PSD3: variants seen among roughly 807,000 people sequenced by gnomAD.
The protein encoded by PSD3 is pleckstrin and Sec7 domain containing 3, also known as PH and SEC7 domain-containing protein 3.
In PSD3, 49 loss-of-function variants were observed where a neutral mutation model predicts 105.5. The ratio of observed to expected loss-of-function variants is 0.46; its 90% CI spans 0.37 to 0.59. PSD3 has a LOEUF of 0.59. PSD3 is among the 20% of genes least tolerant of loss of function. PSD3 has a pLI of 0.00. For missense variants in PSD3, 1,561 were observed against 1,263.8 expected (o/e 1.24, Z -3.57); for synonymous variants, 557 against 457.8 (o/e 1.22, Z -2.77).
rs1429640654 is a variant in PSD3, at chr8:18,936,154, GAACAA to G, written c.22-17_22-13del. 1.3e-6 allele frequency: 2 copies of G among 1,568,954 alleles called. No individual in the cohort carries two copies. Among genetic ancestry groups the G allele is most frequent in the Non-Finnish European group, 8.7e-7 (1 of 1,142,986 alleles). On this transcript the variant is annotated splice_polypyrimidine_tract_variant and intron_variant, in intron 1 of 15. Coordinates refer to ENST00000327040, the MANE Select transcript of PSD3 (RefSeq NM_015310.4). ...ACAAATGTCTCTGCCTGCAAAATAA[GAACAA>G]AACAAAGACACATTTAAAATACATC...
At position 18,981,963 on chromosome 8, in the gene PSD3, G is replaced by A. The variant is rs550239732; in HGVS notation, c.21+31600C>T. Among the ~76,000 whole-genome samples the A allele has an allele frequency of 1.3e-3, 205 of 152,204 alleles. 2 individuals carry two copies. Among genetic ancestry groups the A allele is most frequent in the Non-Finnish European group, 2.4e-3 (162 of 67,998 alleles). On this transcript the variant is annotated intron_variant, in intron 1 of 15. Transcript: ENST00000327040. ...AAAAATGAAGTTTGTCACATCAATG[G>A]TCTCTTAAGACAAAAGATTTCTCTG...
At chr8:18,579,297 C>T (rs533544822) in intron 12 of PSD3, among the ~76,000 whole-genome samples, 2 of 152,084 alleles carry the variant, frequency 1.3e-5, no homozygotes, top group South Asian at 2.1e-4. Flanking sequence ...GATAAATCAT[C>T]GTAATCAAAC....
At chr8:18,741,142 G>A (rs1265617557) in intron 9 of PSD3, among the ~76,000 whole-genome samples, 1 of 152,220 alleles carries the variant, frequency 6.6e-6, no homozygotes, top group African/African-American at 2.4e-5. Flanking sequence ...GGAGATGAGA[G>A]TAAGTGGTGG....
At chr8:18,639,772 C>T (rs765058452) in intron 10 of PSD3, among the ~76,000 whole-genome samples, 1 of 152,108 alleles carries the variant, frequency 6.6e-6, no homozygotes, top group Non-Finnish European at 1.5e-5. Flanking sequence ...TTTGTTATGG[C>T]AGCCAAAGGA....
rs761896496 is a variant in PSD3, at chr8:18,872,321, C to G, written c.543G>C (p.Gln181His). 1.9e-6 allele frequency: 3 copies of G among 1,614,196 alleles called. No homozygotes were observed. The Admixed American group carries it at 5.0e-5, about 27-fold the overall frequency. Residue 181 changes from glutamine (Q) to histidine (H), a missense_variant, in exon 3 of 16, where the codon CAG (glutamine) becomes CAC (histidine). By Grantham distance (24) the Gln-to-His change is conservative. Coordinates refer to ENST00000327040, the MANE Select transcript of PSD3 (RefSeq NM_015310.4). The stretch of plus-strand genomic sequence containing the variant: ...CAGCAGGGAGCGTTTTGTTGACTCT[C>G]TGTGTTTTACGACTGGCAGTGTCCA... Reference protein sequence around the residue: ...KELDTASRKTQRVNKTLPAGQ... With the variant: ...KELDTASRKTHRVNKTLPAGQ...
At chr8:18,703,124 T>A (rs1031911793) in intron 9 of PSD3, among the ~76,000 whole-genome samples, 1 of 152,062 alleles carries the variant, frequency 6.6e-6, no homozygotes, top group Non-Finnish European at 1.5e-5. Context: ...TCTTAACTTT[T>A]TGGTTAAAAA....
chr8:18,895,995 A>G (rs1819125503), intron 2 of PSD3, among the ~76,000 whole-genome samples: 1 of 152,152 alleles, frequency 6.6e-6, no homozygotes, highest in East Asian at 1.9e-4. Flanking sequence ...TGCCTCTAGT[A>G]ACCACTATTC....
intron 14 of PSD3, among the ~76,000 whole-genome samples, chr8:18,566,525 C>CAA (rs372562835): frequency 2.3e-5 from 3 of 130,700 alleles, no homozygotes; most frequent in African/African-American, 8.6e-5. Flanking sequence ...GACTCTGTCT[C>CAA]AAAAAAAAAA....
chr8:18,590,975 A>G (rs766806053), intron 12 of PSD3, among the ~76,000 whole-genome samples: 12 of 152,208 alleles, frequency 7.9e-5, no homozygotes, highest in Non-Finnish European at 1.6e-4. Context: ...AGATTTAAAC[A>G]GTCTCTTCCT....
At position 18,665,269 on chromosome 8, in the gene PSD3, C is replaced by G. The variant is rs902812496; in HGVS notation, c.2173-9584G>C. Among the ~76,000 whole-genome samples the G allele has an allele frequency of 1.1e-4, 16 of 152,134 alleles. 1 individual carries two copies. The highest frequency in any genetic ancestry group is 3.3e-4 in the Admixed American group (5 of 15,284). On this transcript the variant is annotated intron_variant, in intron 9 of 15. Coordinates refer to ENST00000327040, the MANE Select transcript of PSD3 (RefSeq NM_015310.4). The stretch of plus-strand genomic sequence containing the variant: ...AGAACATCTGTGATTCATGGGAGGT[C>G]AAAATATCAACATCAACAGGAGTTT...
chr8:18,775,024 C>G (rs1037371805), intron 8 of PSD3: 1 of 454,252 alleles, frequency 2.2e-6, no homozygotes, highest in Non-Finnish European at 4.4e-6. Flanking sequence ...CCCTCCTCCT[C>G]CTACCTTCTG....
intron 14 of PSD3, among the ~76,000 whole-genome samples, chr8:18,566,638 T>C (rs1405832372): frequency 6.6e-6 from 1 of 151,812 alleles, no homozygotes; most frequent in Non-Finnish European, 1.5e-5. Context: ...TTCAGTGGGG[T>C]GGCGGAGATC....
chr8:18,922,592 A>C (rs1181429114), intron 2 of PSD3, among the ~76,000 whole-genome samples: 1 of 152,164 alleles, frequency 6.6e-6, no homozygotes, highest in African/African-American at 2.4e-5. Flanking sequence ...ATTCAACTGC[A>C]ATACTATCTA....
chr8:18,642,200 A>G (rs1256319117), intron 10 of PSD3, among the ~76,000 whole-genome samples: 1 of 152,188 alleles, frequency 6.6e-6, no homozygotes, highest in Non-Finnish European at 1.5e-5. Context: ...TGGTTAAAAA[A>G]GTTTCTGAAA....
intron 1 of PSD3, among the ~76,000 whole-genome samples, chr8:19,052,470 CAAA>C (rs5889846): frequency 1.5e-4 from 17 of 116,120 alleles, no homozygotes; most frequent in Non-Finnish European, 1.5e-4. Context: ...GACTCTGTCT[CAAA>C]AAAAAAAAAA....
At chr8:18,710,081 C>T (rs182248803) in intron 9 of PSD3, among the ~76,000 whole-genome samples, 34 of 152,186 alleles carry the variant, frequency 2.2e-4, no homozygotes, top group Non-Finnish European at 2.2e-4. Context: ...CAATTCAAAG[C>T]GGCTAAAAAC....
chr8:18,993,402 C>G (rs1319314682), intron 1 of PSD3, among the ~76,000 whole-genome samples: 2 of 149,542 alleles, frequency 1.3e-5, no homozygotes, highest in African/African-American at 4.9e-5. Flanking sequence ...CTCAGAGTCT[C>G]ATTGTTTCAG....
At chr8:18,906,837 T>A (rs1350492681) in intron 2 of PSD3, among the ~76,000 whole-genome samples, 1 of 152,158 alleles carries the variant, frequency 6.6e-6, no homozygotes, top group African/African-American at 2.4e-5. Flanking sequence ...ATTATATACA[T>A]ACACGTAAGA....
intron 2 of PSD3, among the ~76,000 whole-genome samples, chr8:18,917,268 T>C (rs940099961): frequency 7.9e-5 from 12 of 152,330 alleles, no homozygotes; most frequent in East Asian, 1.9e-4. Flanking sequence ...GAGATGGAGA[T>C]GGTTTACCCC....
Sources: gnomAD v4.1 joint callset for allele counts (sites outside exome capture counted in the v4.1 genomes callset) on GRCh38, gnomAD v4.1.1 for gene constraint, MANE v1.5 for transcripts, NCBI Gene and HGNC (gene_info 2026-07-23, HGNC 2026-07-21) for gene names.